FAAH2: variants seen among roughly 807,000 people sequenced by gnomAD.
FAAH2 encodes fatty-acid amide hydrolase 2.
In FAAH2, 60 loss-of-function variants were observed where a neutral mutation model predicts 36.9. That is an observed-to-expected ratio of 1.63 (90% CI 1.32 to 2.02). The LOEUF is 2.02. Ranked by LOEUF, FAAH2 falls within the 30% of genes most tolerant of loss-of-function variation. The pLI, the probability that FAAH2 is intolerant of heterozygous loss-of-function variation, is 0.00. For synonymous variants in FAAH2, 214 were observed against 143.8 expected, an observed-to-expected ratio of 1.49 and a Z score of -3.49; for missense variants, 689 against 397.5, an observed-to-expected ratio of 1.73 and a Z score of -6.23.
chrX:57,270,146 A>G, the FAAH2 span, among the ~76,000 whole-genome samples: 1 of 111,403 alleles, frequency 9.0e-6, no homozygotes, highest in African/African-American at 3.3e-5. Flanking sequence ...GGACAAATAC[A>G]CCCTCGCAAG....
chrX:57,471,957 A>T (rs2057176717), intron 10 of FAAH2, among the ~76,000 whole-genome samples: 1 of 111,795 alleles, frequency 8.9e-6, no homozygotes, highest in African/African-American at 3.3e-5. Flanking sequence ...CAACCATCTG[A>T]TCTTTGACAA....
the FAAH2 span, among the ~76,000 whole-genome samples, chrX:57,181,049 T>TA: frequency 6.3e-5 from 7 of 111,771 alleles, no homozygotes; most frequent in African/African-American, 2.3e-4. Context: ...TCTCAATAGA[T>TA]ACAGAAAAGG....
chrX:57,460,346 C>G (rs1274887995), intron 10 of FAAH2, among the ~76,000 whole-genome samples: 1 of 110,998 alleles, frequency 9.0e-6, no homozygotes, highest in Admixed American at 9.6e-5. Context: ...AACCCCAAGA[C>G]AGGTAATCCT....
chrX:57,223,220 ATGATCC>A, the FAAH2 span, among the ~76,000 whole-genome samples: 2 of 111,505 alleles, frequency 1.8e-5, no homozygotes, highest in African/African-American at 6.5e-5. Context: ...CAAACCCCGG[ATGATCC>A]TATATCAGCT....
intron 5 of FAAH2, among the ~76,000 whole-genome samples, chrX:57,373,101 T>C (rs962015792): frequency 3.6e-5 from 4 of 111,577 alleles, no homozygotes; most frequent in African/African-American, 1.3e-4. Flanking sequence ...TATATCATGG[T>C]ATATCATATT....
chrX:57,211,234 A>G, the FAAH2 span, among the ~76,000 whole-genome samples: 1 of 111,955 alleles, frequency 8.9e-6, no homozygotes, highest in African/African-American at 3.2e-5. Context: ...CACAAGAGTA[A>G]TTCGGGTCTC....
the FAAH2 span, among the ~76,000 whole-genome samples, chrX:57,243,940 C>T: frequency 5.5e-5 from 6 of 108,927 alleles, no homozygotes; most frequent in Admixed American, 3.0e-4. Flanking sequence ...TGGATAATAA[C>T]AAACTCCTCT....
intron 7 of FAAH2, among the ~76,000 whole-genome samples, chrX:57,419,103 A>G (rs1183384686): frequency 1.9e-5 from 2 of 107,579 alleles, no homozygotes; most frequent in African/African-American, 3.4e-5. Context: ...ACATTTTCTT[A>G]ATCCAGTCTA....
At chrX:57,202,101 G>A in the FAAH2 span, among the ~76,000 whole-genome samples, 15 of 111,756 alleles carry the variant, frequency 1.3e-4, no homozygotes, top group Non-Finnish European at 2.3e-4. Flanking sequence ...ATCTGTCTGA[G>A]AGATCACATA....
At chrX:57,366,985 G>A (rs1398435633) in intron 5 of FAAH2, among the ~76,000 whole-genome samples, 2 of 112,248 alleles carry the variant, frequency 1.8e-5, no homozygotes, top group African/African-American at 6.5e-5. Flanking sequence ...CATACAGGCT[G>A]GAGTTCTGTC....
At chrX:57,346,752 G>A (rs953811460) in intron 5 of FAAH2, among the ~76,000 whole-genome samples, 2 of 111,544 alleles carry the variant, frequency 1.8e-5, no homozygotes, top group African/African-American at 6.5e-5. Context: ...ACTCCCTTAA[G>A]GACCCCTTTT....
intron 10 of FAAH2, among the ~76,000 whole-genome samples, chrX:57,484,217 C>T (rs1569377504): frequency 9.0e-6 from 1 of 111,140 alleles, no homozygotes; most frequent in Non-Finnish European, 1.9e-5. Flanking sequence ...TCTGTTGTTT[C>T]AGGTAATGAG....
chrX:57,269,778 AG>A, the FAAH2 span, among the ~76,000 whole-genome samples: 2 of 111,541 alleles, frequency 1.8e-5, no homozygotes, highest in Non-Finnish European at 3.8e-5. Flanking sequence ...AAAGTTAGAA[AG>A]ATCTCAAGTT....
At chrX:57,475,421 G>GT (rs1445379409) in intron 10 of FAAH2, among the ~76,000 whole-genome samples, 8 of 112,081 alleles carry the variant, frequency 7.1e-5, no homozygotes, top group Non-Finnish European at 1.1e-4. Context: ...TGGCTAGCCA[G>GT]TTTTTTCAGC....
chrX:57,273,503 A>C, the FAAH2 span, among the ~76,000 whole-genome samples: 2 of 111,570 alleles, frequency 1.8e-5, no homozygotes, highest in Non-Finnish European at 3.8e-5. Flanking sequence ...TTGACCACAT[A>C]ATTGGAAGTA....
intron 3 of FAAH2, among the ~76,000 whole-genome samples, chrX:57,315,267 A>T (rs1250497712): frequency 1.8e-5 from 2 of 111,258 alleles, no homozygotes; most frequent in East Asian, 5.6e-4. Context: ...GGTAATAAGA[A>T]ACCTACCAAT....
chrX:57,359,479 G>A (rs2054236632), intron 5 of FAAH2, among the ~76,000 whole-genome samples: 1 of 111,310 alleles, frequency 9.0e-6, no homozygotes, highest in Admixed American at 9.6e-5. Context: ...CAATAGATTG[G>A]AAATCATGTT....
upstream of FAAH2, among the ~76,000 whole-genome samples, chrX:57,285,119 C>A (rs967320825): frequency 8.9e-6 from 1 of 112,434 alleles, no homozygotes; most frequent in Non-Finnish European, 1.9e-5. Context: ...TGACAACCTG[C>A]TTTATCAGCT....
At chrX:57,124,592 G>T in the FAAH2 span, among the ~76,000 whole-genome samples, 1 of 111,515 alleles carries the variant, frequency 9.0e-6, no homozygotes, top group African/African-American at 3.3e-5. Flanking sequence ...AATTACCTTG[G>T]GCAGTATGGC....
Sources: gnomAD v4.1 joint callset for allele counts (sites outside exome capture counted in the v4.1 genomes callset) on GRCh38, gnomAD v4.1.1 for gene constraint, MANE v1.5 for transcripts, NCBI Gene and HGNC (gene_info 2026-07-23, HGNC 2026-07-21) for gene names.